RPH3AL: variants seen among roughly 807,000 people sequenced by gnomAD.
RPH3AL encodes rab effector Noc2.
In RPH3AL, 38 loss-of-function variants were observed where a neutral mutation model predicts 43.1. The ratio of observed to expected loss-of-function variants is 0.88; its 90% CI spans 0.68 to 1.15. RPH3AL has a LOEUF of 1.15. RPH3AL is among the 50% of genes most tolerant of loss of function. The pLI is 0.00. For missense variants in RPH3AL, 462 were observed against 423.2 expected, an observed-to-expected ratio of 1.09 and a Z score of -0.81; for synonymous variants, 189 against 176.3, an observed-to-expected ratio of 1.07 and a Z score of -0.57.
intron 5 of RPH3AL, among the ~76,000 whole-genome samples, chr17:291,346 C>T (rs2043044068): frequency 6.6e-6 from 1 of 152,188 alleles, no homozygotes; most frequent in African/African-American, 2.4e-5. Flanking sequence ...TCAAGACCAG[C>T]CTGGGCAACA....
rs2044865430 is a variant in RPH3AL, at chr17:333,813, C to T, written c.-91G>A. The T allele has an allele frequency of 6.2e-6, 1 of 162,102 alleles. No homozygotes were observed. Among genetic ancestry groups the T allele is most frequent in the African/African-American group, 2.4e-5 (1 of 41,670 alleles). The allele number at this position is 162,102 out of a possible 1,614,324, so 10.0% of individuals were successfully genotyped here. A position where few individuals can be genotyped will look rare whatever the true frequency, so the allele number is the denominator to read the frequency against. ...AAAGCTGTCAGCTGCAGGCCTCATG[C>T]TTGCTGTCTCCAAAGTGCACGTACA... On this transcript the variant is annotated 5_prime_UTR_variant, in exon 2 of 10. Coordinates refer to ENST00000331302, the MANE Select transcript of RPH3AL (RefSeq NM_006987.4). This position sits in a 1 kb window ranked among gnomAD's most constrained non-coding sequence, Gnocchi z 4.5.
intron 7 of RPH3AL, among the ~76,000 whole-genome samples, chr17:228,327 G>A (rs578045642): frequency 1.3e-5 from 2 of 152,276 alleles, no homozygotes; most frequent in Non-Finnish European, 2.9e-5. Flanking sequence ...ACAGGCGTGA[G>A]TGCCCGGCCC....
At chr17:306,651 C>T (rs896937855) in intron 5 of RPH3AL, 2 of 152,208 alleles carry the variant, frequency 1.3e-5, no homozygotes, top group Non-Finnish European at 2.9e-5. Flanking sequence ...CTGGACTTAA[C>T]CTCCCCACGG....
chr17:230,554 G>C (rs143305717), intron 7 of RPH3AL, among the ~76,000 whole-genome samples: 1 of 152,340 alleles, frequency 6.6e-6, no homozygotes, highest in Non-Finnish European at 1.5e-5. Flanking sequence ...CCAGGCAGTG[G>C]ACTCCTCTGG....
chr17:309,345 C>T (rs544026659), intron 5 of RPH3AL, among the ~76,000 whole-genome samples: 84 of 152,270 alleles, frequency 5.5e-4, no homozygotes, highest in Middle Eastern at 3.4e-3. Context: ...GCCTCGAGTC[C>T]CAGATACCAA....
At chr17:341,575 A>G (rs1022951642) in intron 1 of RPH3AL, among the ~76,000 whole-genome samples, 2 of 152,220 alleles carry the variant, frequency 1.3e-5, no homozygotes, top group Non-Finnish European at 2.9e-5. Flanking sequence ...GTAAATTTTC[A>G]TGACTTCAGA....
At chr17:304,977 G>A (rs1260720538) in intron 5 of RPH3AL, among the ~76,000 whole-genome samples, 1 of 57,552 alleles carries the variant, frequency 1.7e-5, no homozygotes, top group Admixed American at 1.6e-4. Flanking sequence ...GGGGGACAGG[G>A]CGGGAGGGGG....
intron 6 of RPH3AL, among the ~76,000 whole-genome samples, chr17:270,037 C>T (rs951804836): frequency 2.6e-5 from 4 of 152,218 alleles, no homozygotes; most frequent in South Asian, 2.1e-4. Context: ...GCACTGATAG[C>T]GGGTCTCTCT....
chr17:251,672 G>A (rs2041904263), intron 6 of RPH3AL, among the ~76,000 whole-genome samples: 1 of 152,228 alleles, frequency 6.6e-6, no homozygotes, highest in Admixed American at 6.5e-5. Context: ...CAGCCACCAA[G>A]GCCACCCCAT....
At chr17:340,398 T>A in intron 1 of RPH3AL, among the ~76,000 whole-genome samples, 1 of 149,182 alleles carries the variant, frequency 6.7e-6, no homozygotes, top group African/African-American at 2.5e-5. Flanking sequence ...ACATCCACAC[T>A]CACTGCCCCG....
In RPH3AL at chr17:243,386, T is replaced by C. The variant is rs375588986; in HGVS notation, c.613+3725A>G. On this transcript the variant is annotated intron_variant, in intron 7 of 9. Coordinates refer to ENST00000331302, the MANE Select transcript of RPH3AL (RefSeq NM_006987.4). Reference sequence around the variant, plus strand: ...CTATTGATTACCCTTCCTCTATTGATTACCTTCCTCTATTGACTACCTTCC... The same window carrying C: ...CTATTGATTACCCTTCCTCTATTGACTACCTTCCTCTATTGACTACCTTCC... Among the ~76,000 whole-genome samples, 34 of 123,684 alleles carry C rather than the reference T, an allele frequency of 2.7e-4. 1 individual carries two copies. Among genetic ancestry groups the C allele is most frequent in the Middle Eastern group, 5.6e-3 (1 of 178 alleles). The allele number at this position is 123,684 out of a possible 152,430, so 81.1% of individuals were successfully genotyped here. A position where few individuals can be genotyped will look rare whatever the true frequency, so the allele number is the denominator to read the frequency against.
intron 1 of RPH3AL, among the ~76,000 whole-genome samples, chr17:348,013 A>T (rs992429766): frequency 1.3e-5 from 2 of 151,788 alleles, no homozygotes; most frequent in Non-Finnish European, 2.9e-5. Flanking sequence ...CAAAAAAAAA[A>T]AAATTAAATT....
At chr17:233,318 C>T (rs2041275146) in intron 7 of RPH3AL, among the ~76,000 whole-genome samples, 1 of 152,132 alleles carries the variant, frequency 6.6e-6, no homozygotes, top group Non-Finnish European at 1.5e-5. Context: ...TGGGAGAGAA[C>T]AGACTCTGTC....
At chr17:350,609 A>C (rs977342794) in intron 1 of RPH3AL, among the ~76,000 whole-genome samples, 1 of 152,182 alleles carries the variant, frequency 6.6e-6, no homozygotes, top group South Asian at 2.1e-4. Context: ...ACCCCATCTC[A>C]AAAAAAGAAA....
Position 263,719 on chromosome 17 carries a change from G to C in RPH3AL, c.439-16434C>G, listed in dbSNP as rs560853977. The stretch of plus-strand genomic sequence containing the variant: ...GGAGGAAAGCTGGTAGCTCAGGAAA[G>C]GAAAGGAATGCAGTAAGTAAAATTT... On this transcript the variant is annotated intron_variant, in intron 6 of 9. Transcript: ENST00000331302. Among the ~76,000 whole-genome samples, 3 of 152,306 alleles carry C rather than the reference G, an allele frequency of 2.0e-5. No homozygotes were observed. In the South Asian group the frequency reaches 6.2e-4, roughly 32 times the overall value.
chr17:270,897 T>C (rs1481794698), intron 6 of RPH3AL, among the ~76,000 whole-genome samples: 2 of 152,196 alleles, frequency 1.3e-5, no homozygotes, highest in South Asian at 2.1e-4. Context: ...TCTAGGGTTT[T>C]TATGGTTTTA....
rs535561973 is a variant in RPH3AL, at chr17:215,024, C to T, written c.876+630G>A. 1.9e-4 allele frequency among the ~76,000 whole-genome samples: 29 copies of T among 152,174 alleles called. No homozygotes were observed. The highest frequency in any genetic ancestry group is 3.8e-4 in the Non-Finnish European group (26 of 68,030). ...GTGCGGCAGGCGTTCCTGTGGGTGGCTGCCGGGTGCCCTCCACACCCCGGG... is the reference window on the plus strand; with the variant it reads ...GTGCGGCAGGCGTTCCTGTGGGTGGTTGCCGGGTGCCCTCCACACCCCGGG... On this transcript the variant is annotated intron_variant, in intron 9 of 9. Transcript: ENST00000331302. The surrounding 1 kb of genome is among the most constrained non-coding windows in gnomAD (Gnocchi z 4.1).
Position 213,718 on chromosome 17 carries a change from C to T in RPH3AL, c.*134G>A, listed in dbSNP as rs373872821. On this transcript the variant is annotated 3_prime_UTR_variant, in exon 10 of 10. Coordinates refer to ENST00000331302, the MANE Select transcript of RPH3AL (RefSeq NM_006987.4). ...AAAGGCACTGAGCTGGGGAGGCAGACGGCTCCCAACACTGGTTTGTTGAGT... is the reference window on the plus strand; with the variant it reads ...AAAGGCACTGAGCTGGGGAGGCAGATGGCTCCCAACACTGGTTTGTTGAGT... The T allele has an allele frequency of 4.9e-5, 36 of 733,374 alleles. No homozygotes were observed. Among genetic ancestry groups the T allele is most frequent in the Middle Eastern group, 3.6e-4 (1 of 2,760 alleles). The allele number at this position is 733,374 out of a possible 1,614,324, so 45.4% of individuals were successfully genotyped here.
In RPH3AL at chr17:246,939, G is replaced by A. The variant is rs921870134; in HGVS notation, c.613+172C>T. Among the ~76,000 whole-genome samples the A allele has an allele frequency of 1.3e-5, 2 of 152,186 alleles. No homozygotes were observed. The highest frequency in any genetic ancestry group is 2.9e-5 in the Non-Finnish European group (2 of 68,020). On this transcript the variant is annotated intron_variant, in intron 7 of 9. Coordinates refer to ENST00000331302, the MANE Select transcript of RPH3AL (RefSeq NM_006987.4). This position sits in a 1 kb window ranked among gnomAD's most constrained non-coding sequence, Gnocchi z 4.8. ...GAACAGTCACCTGCTGGAGGTCCCC[G>A]CTGCTCACTCGGGAGAAGGTGTGGA... is the stretch of plus-strand genomic sequence containing the variant.
Sources: allele counts gnomAD v4.1 joint callset (sites outside exome capture counted in the v4.1 genomes callset), GRCh38; gene constraint gnomAD v4.1.1; non-coding constraint Gnocchi (gnomAD v3.1); transcripts MANE v1.5; gene names NCBI Gene and HGNC (gene_info 2026-07-23, HGNC 2026-07-21).